FAM222B: variants seen among roughly 807,000 people sequenced by gnomAD.
The protein encoded by FAM222B is protein FAM222B.
A neutral mutation model predicts 38.0 loss-of-function variants in FAM222B; 12 were observed. The ratio of observed to expected loss-of-function variants is 0.32; its 90% CI spans 0.20 to 0.51. The LOEUF (loss-of-function observed/expected upper bound fraction) is 0.51, where lower values mean the gene tolerates loss of function less well. Among genes scored for constraint, FAM222B ranks in the 20% least tolerant of loss-of-function variants. The probability of loss-of-function intolerance (pLI) is 0.97; values close to 1 mark genes in which losing one functional copy is unlikely to be tolerated. For synonymous variants in FAM222B, 329 were observed against 317.2 expected (o/e 1.04, Z -0.40); for missense variants, 716 against 754.2 (o/e 0.95, Z 0.59).
intron 1 of FAM222B, among the ~76,000 whole-genome samples, chr17:28,854,436 GC>G (rs1394989632): frequency 6.6e-6 from 1 of 152,166 alleles, no homozygotes; most frequent in Non-Finnish European, 1.5e-5. Context: ...GTAGACAGTA[GC>G]CAAGGCTTAC....
At chr17:28,762,770 C>T (rs1030215826) in intron 2 of FAM222B, among the ~76,000 whole-genome samples, 1 of 151,424 alleles carries the variant, frequency 6.6e-6, no homozygotes, top group African/African-American at 2.4e-5. Flanking sequence ...AACCCCGTCT[C>T]TACTAAAAAA....
intron 1 of FAM222B, among the ~76,000 whole-genome samples, chr17:28,833,312 AAAAT>A (rs1181592637): frequency 2.0e-5 from 3 of 151,078 alleles, no homozygotes; most frequent in African/African-American, 7.3e-5. Context: ...CCCTCTCAAA[AAAAT>A]AAATAAATAA....
rs539436643 is a variant in FAM222B, at chr17:28,764,149, G to A, written c.82+2437C>T. On this transcript the variant is annotated intron_variant, in intron 2 of 2. Coordinates refer to ENST00000581407, the MANE Select transcript of FAM222B (RefSeq NM_001077498.3). ...AAAAAATTTCCAGTGGCGCATGCCT[G>A]TAATCTGAGCTACTCGAGAGACTAA... 1.1e-3 allele frequency among the ~76,000 whole-genome samples: 163 copies of A among 151,902 alleles called. 2 individuals are homozygous for A. Among genetic ancestry groups the A allele is most frequent in the African/African-American group, 3.5e-3 (145 of 41,426 alleles).
At chr17:28,852,364 A>T (rs944788351) in intron 1 of FAM222B, among the ~76,000 whole-genome samples, 6 of 151,934 alleles carry the variant, frequency 3.9e-5, no homozygotes, top group Non-Finnish European at 8.8e-5. Context: ...TCCAAAAAAA[A>T]ATGTTCAGGC....
chr17:28,811,434 G>A (rs886843908), intron 1 of FAM222B, among the ~76,000 whole-genome samples: 5 of 151,960 alleles, frequency 3.3e-5, no homozygotes, highest in African/African-American at 4.8e-5. Flanking sequence ...AGCGAGACTC[G>A]TCTCAAAAAA....
At chr17:28,785,950 T>C (rs1257294583) in intron 1 of FAM222B, among the ~76,000 whole-genome samples, 1 of 151,990 alleles carries the variant, frequency 6.6e-6, no homozygotes, top group Non-Finnish European at 1.5e-5. Flanking sequence ...CCGCCTGCCT[T>C]GGCCTCCCAA....
chr17:28,834,499 C>T (rs910114652), intron 1 of FAM222B, among the ~76,000 whole-genome samples: 17 of 152,142 alleles, frequency 1.1e-4, no homozygotes, highest in African/African-American at 3.6e-4. Context: ...CTATTTTCTG[C>T]ACTTCAAACA....
At chr17:28,785,016 A>G (rs1009232587) in intron 1 of FAM222B, among the ~76,000 whole-genome samples, 2 of 152,012 alleles carry the variant, frequency 1.3e-5, no homozygotes, top group African/African-American at 4.8e-5. Flanking sequence ...TCAGTCTCCC[A>G]AAGTGCTGGG....
intron 1 of FAM222B, among the ~76,000 whole-genome samples, chr17:28,837,665 T>C (rs34397185): frequency 0.19 from 28,002 of 150,884 alleles, 2,643 homozygotes; most frequent in South Asian, 0.29. Context: ...TTTTTGTTTT[T>C]TGAGACGGAG....
At chr17:28,798,832 T>C (rs2037069095) in intron 1 of FAM222B, among the ~76,000 whole-genome samples, 1 of 151,998 alleles carries the variant, frequency 6.6e-6, no homozygotes. Context: ...TTAGCCAGGA[T>C]AGTCTCGATC....
intron 1 of FAM222B, among the ~76,000 whole-genome samples, chr17:28,797,875 A>T (rs1711534559): frequency 6.6e-6 from 1 of 151,140 alleles, no homozygotes; most frequent in Non-Finnish European, 1.5e-5. Context: ...AGTCTGGACA[A>T]CATAGGGAGA....
chr17:28,844,557 C>T (rs2039128626), upstream of FAM222B, among the ~76,000 whole-genome samples: 1 of 152,008 alleles, frequency 6.6e-6, no homozygotes, highest in African/African-American at 2.4e-5. Flanking sequence ...ACTCAGGAGG[C>T]TGAGGCAAGA....
chr17:28,853,440 G>A (rs1452953056), intron 1 of FAM222B, among the ~76,000 whole-genome samples: 1 of 151,880 alleles, frequency 6.6e-6, no homozygotes, highest in Non-Finnish European at 1.5e-5. Flanking sequence ...GTCTTCCCAG[G>A]GAATTTAGAT....
intron 1 of FAM222B, among the ~76,000 whole-genome samples, chr17:28,771,006 ATTTT>A (rs1004308654): frequency 2.0e-4 from 30 of 148,662 alleles, no homozygotes; most frequent in African/African-American, 7.4e-4. Context: ...ATATATATAT[ATTTT>A]TTCTTTTTTT....
At chr17:28,847,819 C>A (rs931449189) in intron 1 of FAM222B, among the ~76,000 whole-genome samples, 1 of 151,622 alleles carries the variant, frequency 6.6e-6, no homozygotes, top group Admixed American at 6.6e-5. Flanking sequence ...GAGGCTGAGG[C>A]CGGAGAATGG....
At chr17:28,821,165 A>C (rs1351211907) in intron 1 of FAM222B, among the ~76,000 whole-genome samples, 1 of 152,098 alleles carries the variant, frequency 6.6e-6, no homozygotes, top group Non-Finnish European at 1.5e-5. Flanking sequence ...CATATTGGCC[A>C]GGATGGTCTC....
At chr17:28,837,904 C>T (rs1433577872) in intron 1 of FAM222B, among the ~76,000 whole-genome samples, 3 of 152,110 alleles carry the variant, frequency 2.0e-5, no homozygotes, top group Non-Finnish European at 4.4e-5. Flanking sequence ...CCACCCACCT[C>T]GGCCTCCCAA....
At chr17:28,764,696 G>A (rs927827908) in intron 2 of FAM222B, among the ~76,000 whole-genome samples, 5 of 151,828 alleles carry the variant, frequency 3.3e-5, no homozygotes, top group South Asian at 2.1e-4. Context: ...GCGTTGAGCC[G>A]AGATCACGCC....
rs753661690 is a variant in FAM222B at position 28,759,060 on chromosome 17, C to T, written c.899G>A (p.Arg300His). The change falls in exon 3 of 3, where the codon CGC (arginine) becomes CAC (histidine). Residue 300 changes from arginine (R) to histidine (H), a missense_variant. Coordinates refer to ENST00000581407, the MANE Select transcript of FAM222B (RefSeq NM_001077498.3). This position sits in a 1 kb window ranked among gnomAD's most constrained non-coding sequence, Gnocchi z 4.8. ...GQIANPSPISRSLLINASTRV... is the reference protein window; with the variant it reads ...GQIANPSPISHSLLINASTRV... ...GGTGCTTGCATTGATGAGCAGACTGCGACTAATGGGGCTGGGGTTGGCGAT... is the reference window on the plus strand; with the variant it reads ...GGTGCTTGCATTGATGAGCAGACTGTGACTAATGGGGCTGGGGTTGGCGAT... 1.2e-5 allele frequency: 20 copies of T among 1,612,112 alleles called. No homozygotes were observed. Among genetic ancestry groups the T allele is most frequent in the African/African-American group, 5.3e-5 (4 of 74,890 alleles).
Sources: gnomAD v4.1 joint callset for allele counts (sites outside exome capture counted in the v4.1 genomes callset) on GRCh38, gnomAD v4.1.1 for gene constraint, Gnocchi (gnomAD v3.1) non-coding constraint, MANE v1.5 for transcripts, NCBI Gene and HGNC (gene_info 2026-07-23, HGNC 2026-07-21) for gene names.